TBX15: variants seen among roughly 807,000 people sequenced by gnomAD.
TBX15 encodes the protein T-box transcription factor 15.
A neutral mutation model predicts 53.9 loss-of-function variants in TBX15; 18 were observed. The ratio of observed to expected loss-of-function variants is 0.33; its 90% CI spans 0.23 to 0.49. The LOEUF (loss-of-function observed/expected upper bound fraction) is 0.49. Ranked by LOEUF, TBX15 falls within the 20% of genes least tolerant of loss-of-function variation. The pLI is 0.98. For missense variants in TBX15, 692 were observed against 749.5 expected (o/e 0.92, Z 0.90); for synonymous variants, 295 against 278.0 (o/e 1.06, Z -0.61).
At chr1:118,930,847 C>T (rs1465115384) in intron 2 of TBX15, among the ~76,000 whole-genome samples, 2 of 152,350 alleles carry the variant, frequency 1.3e-5, no homozygotes, top group East Asian at 3.9e-4. Flanking sequence ...GGAGCTGCCT[C>T]TTAGTACCCA....
At chr1:118,890,852 T>C (rs1174477978) in intron 7 of TBX15, 1 of 1,297,668 alleles carries the variant, frequency 7.7e-7, no homozygotes, top group African/African-American at 1.5e-5. Flanking sequence ...AAAGAATAAA[T>C]TTCCATGTAA....
intron 1 of TBX15, among the ~76,000 whole-genome samples, chr1:118,955,275 T>C (rs372460902): frequency 2.6e-5 from 4 of 152,020 alleles, no homozygotes; most frequent in East Asian, 3.9e-4. Flanking sequence ...TTAGGAAAAG[T>C]GAAGTCTGGA....
At position 118,912,280 on chromosome 1, in the gene TBX15, G is replaced by C. The variant is rs151221549; in HGVS notation, c.926+1835C>G. ...AGTAGGTTGGAACCCTTGAGAGAGAGAGAGAGTTGTATCTAGAGCAGAAAT... is the reference window on the plus strand; with the variant it reads ...AGTAGGTTGGAACCCTTGAGAGAGACAGAGAGTTGTATCTAGAGCAGAAAT... On this transcript the variant is annotated intron_variant, in intron 6 of 7. Transcript: ENST00000369429. Among the ~76,000 whole-genome samples the C allele has an allele frequency of 5.0e-3, 761 of 152,014 alleles. 9 individuals carry two copies. Among genetic ancestry groups the C allele is most frequent in the African/African-American group, 0.018 (733 of 41,426 alleles).
At chr1:118,909,990 G>A (rs753743671) in intron 6 of TBX15, among the ~76,000 whole-genome samples, 10 of 152,282 alleles carry the variant, frequency 6.6e-5, no homozygotes, top group Non-Finnish European at 1.5e-4. Flanking sequence ...CAGCCAGGGG[G>A]CTACACTCGG....
At chr1:118,975,623 T>C (rs1203932715) in intron 1 of TBX15, among the ~76,000 whole-genome samples, 1 of 152,226 alleles carries the variant, frequency 6.6e-6, no homozygotes, top group East Asian at 1.9e-4. Flanking sequence ...CTATTTAATC[T>C]GTTAAGCCTC....
At chr1:118,938,716 T>C (rs183005207) in intron 1 of TBX15, among the ~76,000 whole-genome samples, 13 of 152,314 alleles carry the variant, frequency 8.5e-5, no homozygotes, top group Admixed American at 6.5e-4. Context: ...TAGTACCTCA[T>C]TGTGACTTTG....
intron 1 of TBX15, among the ~76,000 whole-genome samples, chr1:118,960,854 T>C (rs1459716721): frequency 6.6e-6 from 1 of 152,184 alleles, no homozygotes; most frequent in Non-Finnish European, 1.5e-5. Flanking sequence ...AACACAGCAG[T>C]GGCTCAAAGT....
chr1:118,966,483 G>T (rs1657038053), intron 1 of TBX15, among the ~76,000 whole-genome samples: 1 of 152,146 alleles, frequency 6.6e-6, no homozygotes, highest in Non-Finnish European at 1.5e-5. Context: ...AGGAGAACTA[G>T]AAGAAAACTC....
At chr1:118,949,621 CG>C (rs146565610) in intron 1 of TBX15, among the ~76,000 whole-genome samples, 1 of 152,332 alleles carries the variant, frequency 6.6e-6, no homozygotes, top group East Asian at 1.9e-4. Flanking sequence ...GAAACATCAG[CG>C]TGTGATCAAG....
chr1:118,923,404 G>A (rs369246842), intron 5 of TBX15, 32 bp downstream of exon 5: 19 of 1,613,104 alleles, frequency 1.2e-5, no homozygotes, highest in Admixed American at 1.7e-5. Context: ...AAAAACAGAT[G>A]TAGCAGAAGA....
chr1:118,899,807 T>A (rs776694139), intron 6 of TBX15, among the ~76,000 whole-genome samples: 2 of 152,310 alleles, frequency 1.3e-5, no homozygotes, highest in South Asian at 4.1e-4. Flanking sequence ...TAATAATCAG[T>A]CTGGTCTTTG....
intron 7 of TBX15, among the ~76,000 whole-genome samples, chr1:118,895,502 T>G (rs1489830946): frequency 6.6e-6 from 1 of 152,188 alleles, no homozygotes; most frequent in Non-Finnish European, 1.5e-5. Flanking sequence ...CAGGATTGCA[T>G]TGTATTTAGT....
Position 118,969,223 on chromosome 1 carries a change from A to G in TBX15, c.205+18368T>C, listed in dbSNP as rs534091766. ...TCAGGTTCATCCCATCTTCTCCATC[A>G]CTGAATAGGACCCATTTCACTGTGA... is the stretch of plus-strand genomic sequence containing the variant. On this transcript the variant is annotated intron_variant, in intron 1 of 7. Coordinates refer to ENST00000369429, the MANE Select transcript of TBX15 (RefSeq NM_001330677.2). Among the ~76,000 whole-genome samples the G allele has an allele frequency of 2.0e-5, 3 of 152,258 alleles. No individual in the cohort carries two copies. The East Asian group carries it at 5.8e-4, about 29-fold the overall frequency.
Position 118,885,361 on chromosome 1 carries a change from G to C in TBX15, c.1180C>G (p.Leu394Val). The C allele has an allele frequency of 1.2e-6, 2 of 1,614,016 alleles. No individual in the cohort carries two copies. Among genetic ancestry groups the C allele is most frequent in the Non-Finnish European group, 1.7e-6 (2 of 1,180,028 alleles). Residue 394 changes from leucine (L) to valine (V), a missense_variant, in exon 8 of 8, where the codon CTA becomes GTA. Leu to Val is a conservative substitution (Grantham distance 32, BLOSUM62 1). Around this residue, in one of 3 missense-constraint regions of TBX15, gnomAD observed 375 missense variants for 371.6 expected, o/e 1.01. Transcript: ENST00000369429. ...CATGGTGGATAATCAGAGAGGTTTA[G>C]ATTACACAGCTGGCTTTCTCGGCAG... ...VGCRESQLCN[L>V]NLSDYPPCAR...
chr1:118,910,176 T>C (rs1405082312), intron 6 of TBX15, among the ~76,000 whole-genome samples: 1 of 152,164 alleles, frequency 6.6e-6, no homozygotes, highest in Non-Finnish European at 1.5e-5. Context: ...TGGTTTGAGG[T>C]TTGGCAAACT....
intron 6 of TBX15, among the ~76,000 whole-genome samples, chr1:118,901,713 A>C (rs1654635780): frequency 6.6e-6 from 1 of 152,094 alleles, no homozygotes; most frequent in Non-Finnish European, 1.5e-5. Flanking sequence ...CTCTGTTGGT[A>C]TATATATATC....
intron 6 of TBX15, chr1:118,901,409 T>C: frequency 2.2e-6 from 1 of 456,624 alleles, no homozygotes; most frequent in South Asian, 1.5e-5. Context: ...AGGTCCCATC[T>C]CTTAACACTG....
rs1454489826 is a variant in TBX15, at chr1:118,885,244, G to T, written c.1297C>A (p.Gln433Lys). The T allele has an allele frequency of 1.2e-6, 2 of 1,614,186 alleles. No individual in the cohort carries two copies. Among genetic ancestry groups the T allele is most frequent in the East Asian group, 2.2e-5 (1 of 44,864 alleles). ...TGAGGCATGAAGGTTTCAGAGGGCT[G>T]AGTGGCTGAAGTGGTGCCACTCTGA... ...RLQSGTTSAT[Q>K]PSETFMPQRT... The change falls in exon 8 of 8, where the codon CAG becomes AAG. Residue 433 changes from glutamine to lysine, a missense_variant. Gln to Lys is a moderately conservative substitution (Grantham distance 53). This residue lies in a region of TBX15 where 375 missense variants were observed against 371.6 expected (regional missense o/e 1.01). Coordinates refer to ENST00000369429, the MANE Select transcript of TBX15 (RefSeq NM_001330677.2).
chr1:118,933,641 A>G (rs1655874696), intron 1 of TBX15, among the ~76,000 whole-genome samples: 1 of 152,152 alleles, frequency 6.6e-6, no homozygotes, highest in South Asian at 2.1e-4. Flanking sequence ...CTGATTCTAT[A>G]GGCCTTTCAG....
Sources: allele counts gnomAD v4.1 joint callset (sites outside exome capture counted in the v4.1 genomes callset), GRCh38; gene constraint gnomAD v4.1.1; regional missense constraint gnomAD v4.1.1; transcripts MANE v1.5; gene names NCBI Gene and HGNC (gene_info 2026-07-23, HGNC 2026-07-21).